The following RNF217 variants were observed in gnomAD, a reference collection of about 807,000 sequenced individuals.
RNF217 encodes ring finger protein 217.
A neutral mutation model predicts 57.8 loss-of-function variants in RNF217; 31 were observed. That is an observed-to-expected ratio of 0.54 (90% CI 0.40 to 0.72). The LOEUF is 0.72. RNF217 is among the 30% of genes least tolerant of loss of function. The pLI, the probability that RNF217 is intolerant of heterozygous loss-of-function variation, is 0.00. For missense variants in RNF217, 696 were observed against 708.3 expected (o/e 0.98, Z 0.20); for synonymous variants, 313 against 294.0 (o/e 1.06, Z -0.66).
At chr6:125,074,050 T>C (rs1788253992) in intron 3 of RNF217, among the ~76,000 whole-genome samples, 2 of 152,246 alleles carry the variant, frequency 1.3e-5, no homozygotes, top group South Asian at 4.2e-4. Context: ...AGGCAGAAGC[T>C]TACCTGCCAA....
At chr6:125,001,890 A>AT (rs58240474) in intron 1 of RNF217, among the ~76,000 whole-genome samples, 2,093 of 152,298 alleles carry the variant, frequency 0.014, 48 homozygotes, top group African/African-American at 0.048. Flanking sequence ...ACTCCCATCA[A>AT]TTATTCCCTG....
chr6:125,024,167 A>G (rs535753149), intron 1 of RNF217, among the ~76,000 whole-genome samples: 1 of 152,202 alleles, frequency 6.6e-6, no homozygotes, highest in African/African-American at 2.4e-5. Flanking sequence ...AGATCAAAAG[A>G]TGTAAATGAT....
chr6:125,055,689 T>A (rs1320718951), intron 2 of RNF217, among the ~76,000 whole-genome samples: 3 of 152,180 alleles, frequency 2.0e-5, no homozygotes, highest in African/African-American at 7.2e-5. Context: ...CAATAGAAGA[T>A]AACCGAATTA....
intron 1 of RNF217, among the ~76,000 whole-genome samples, chr6:125,021,371 A>G (rs1245538147): frequency 1.3e-5 from 2 of 151,368 alleles, no homozygotes; most frequent in Non-Finnish European, 2.9e-5. Context: ...GATTCAAGCA[A>G]TTCTCTGCCT....
At chr6:125,038,203 A>C (rs994553402) in intron 1 of RNF217, among the ~76,000 whole-genome samples, 1 of 152,194 alleles carries the variant, frequency 6.6e-6, no homozygotes, top group Non-Finnish European at 1.5e-5. Flanking sequence ...AAAACTGAAC[A>C]GCATCTTTTT....
chr6:125,036,025 G>A (rs530920490), intron 1 of RNF217, among the ~76,000 whole-genome samples: 83 of 151,954 alleles, frequency 5.5e-4, no homozygotes, highest in African/African-American at 2.0e-3. Context: ...CGTCATCTAG[G>A]CTTTAAGCCC....
At chr6:124,984,368 G>A (rs1784293533) in intron 1 of RNF217, among the ~76,000 whole-genome samples, 1 of 151,910 alleles carries the variant, frequency 6.6e-6, no homozygotes, top group Admixed American at 6.6e-5. Flanking sequence ...GCAACATAGA[G>A]AAACCCTGTC....
chr6:124,989,211 G>T (rs1784463888), intron 1 of RNF217, among the ~76,000 whole-genome samples: 2 of 152,000 alleles, frequency 1.3e-5, no homozygotes, highest in Admixed American at 1.3e-4. Context: ...ATATTTTGAT[G>T]AGCGCTTATG....
At chr6:125,060,380 C>T (rs369328892) in intron 3 of RNF217, among the ~76,000 whole-genome samples, 1 of 143,370 alleles carries the variant, frequency 7.0e-6, no homozygotes, top group Non-Finnish European at 1.5e-5. Context: ...CACACACACA[C>T]ATATATATTT....
intron 1 of RNF217, among the ~76,000 whole-genome samples, chr6:124,999,895 A>G (rs988284115): frequency 1.3e-5 from 2 of 152,238 alleles, no homozygotes; most frequent in Non-Finnish European, 2.9e-5. Context: ...AAAAGGTCCC[A>G]GAACAATTAT....
intron 1 of RNF217, among the ~76,000 whole-genome samples, chr6:125,039,151 C>A (rs1786772518): frequency 6.6e-6 from 1 of 152,098 alleles, no homozygotes; most frequent in Non-Finnish European, 1.5e-5. Context: ...GCTTCCAGCT[C>A]CATCCATGTC....
chr6:124,994,995 C>T lies in RNF217; in HGVS notation c.882+31569C>T, dbSNP rs113390342. The stretch of plus-strand genomic sequence containing the variant: ...AATATTGTGTAAAAATGGGATGTTA[C>T]GTATCCAAGTATTAACCTAAGGATA... On this transcript the variant is annotated intron_variant, in intron 1 of 5. Transcript: ENST00000521654. Among the ~76,000 whole-genome samples, 13 of 152,164 alleles carry T rather than the reference C, an allele frequency of 8.5e-5. 1 individual carries two copies. The highest frequency in any genetic ancestry group is 2.4e-4 in the African/African-American group (10 of 41,518).
chr6:124,977,057 T>G (rs2115003967), intron 1 of RNF217, among the ~76,000 whole-genome samples: 1 of 152,332 alleles, frequency 6.6e-6, no homozygotes, highest in East Asian at 1.9e-4. Context: ...TTAAAATCAC[T>G]AGTATATCTA....
At chr6:124,983,076 A>G (rs551463105) in intron 1 of RNF217, among the ~76,000 whole-genome samples, 1 of 152,204 alleles carries the variant, frequency 6.6e-6, no homozygotes, top group Non-Finnish European at 1.5e-5. Flanking sequence ...TTCTTCTTCA[A>G]CGCTCCCCCC....
At chr6:124,982,026 CAAAAAAAAAAAA>C (rs373182508) in intron 1 of RNF217, among the ~76,000 whole-genome samples, 1,552 of 58,414 alleles carry the variant, frequency 0.027, 19 homozygotes, top group South Asian at 0.062. Flanking sequence ...GACTCTGTCT[CAAAAAAAAAAAA>C]AAAAAAAAAG....
chr6:125,029,596 A>G (rs1295685241), intron 1 of RNF217, among the ~76,000 whole-genome samples: 1 of 152,198 alleles, frequency 6.6e-6, no homozygotes, highest in Non-Finnish European at 1.5e-5. Flanking sequence ...ACATCTAAGA[A>G]GGCATTGATA....
At chr6:125,029,669 T>G (rs548245363) in intron 1 of RNF217, among the ~76,000 whole-genome samples, 1 of 152,290 alleles carries the variant, frequency 6.6e-6, no homozygotes, top group African/African-American at 2.4e-5. Context: ...TTGGTAAAAA[T>G]GTAGAACGTG....
chr6:125,053,017 C>T (rs531744678), intron 2 of RNF217, among the ~76,000 whole-genome samples: 70 of 152,164 alleles, frequency 4.6e-4, no homozygotes, highest in African/African-American at 1.6e-3. Context: ...AGAACACTTG[C>T]TGTTTCCCCA....
rs144166962 is a variant in RNF217 at position 125,001,439 on chromosome 6, G to A, written c.882+38013G>A. Among the ~76,000 whole-genome samples the A allele has an allele frequency of 4.6e-5, 7 of 152,232 alleles. No homozygotes were observed. In the East Asian group the frequency reaches 9.6e-4, roughly 21 times the overall value. ...TGAAGTCTGGGGCACAGAGAATCCCGTATTAATGTTACCACCAGTCTTATA... is the reference window on the plus strand; with the variant it reads ...TGAAGTCTGGGGCACAGAGAATCCCATATTAATGTTACCACCAGTCTTATA... On this transcript the variant is annotated intron_variant, in intron 1 of 5. Coordinates refer to ENST00000521654, the MANE Select transcript of RNF217 (RefSeq NM_001286398.3).
Sources: allele counts gnomAD v4.1 joint callset (sites outside exome capture counted in the v4.1 genomes callset), GRCh38; gene constraint gnomAD v4.1.1; transcripts MANE v1.5; gene names NCBI Gene and HGNC (gene_info 2026-07-23, HGNC 2026-07-21).